SLC25A13: variants seen among roughly 807,000 people sequenced by gnomAD.
The protein encoded by SLC25A13 is solute carrier family 25 member 13.
SLC25A13 carries 70 observed loss-of-function variants against 85.5 expected under a neutral mutation model. The observed-to-expected ratio is 0.82, with a 90% CI of 0.68 to 1.00. The LOEUF (loss-of-function observed/expected upper bound fraction) is 1.00. Ranked by LOEUF, SLC25A13 falls within the 50% of genes least tolerant of loss-of-function variation. The pLI, the probability that SLC25A13 is intolerant of heterozygous loss-of-function variation, is 0.00. For synonymous variants in SLC25A13, 259 were observed against 288.7 expected (o/e 0.90, Z 1.04); for missense variants, 765 against 819.8 (o/e 0.93, Z 0.82).
chr7:96,215,412 C>T (rs1795857312), intron 4 of SLC25A13, among the ~76,000 whole-genome samples: 1 of 152,060 alleles, frequency 6.6e-6, no homozygotes, highest in African/African-American at 2.4e-5. Context: ...GGATTTCAAG[C>T]TTACTACAAA....
At chr7:96,170,979 C>T (rs954083260) in intron 12 of SLC25A13, among the ~76,000 whole-genome samples, 4 of 152,208 alleles carry the variant, frequency 2.6e-5, no homozygotes, top group African/African-American at 9.6e-5. Flanking sequence ...TTATAGAACA[C>T]ACCCTAACCA....
At chr7:96,150,608 G>T (rs988974419) in intron 13 of SLC25A13, among the ~76,000 whole-genome samples, 7 of 152,058 alleles carry the variant, frequency 4.6e-5, no homozygotes, top group African/African-American at 1.7e-4. Context: ...TTTAGGGTGG[G>T]ACGTAATCCC....
At chr7:96,188,879 A>C (rs1794733630) in intron 9 of SLC25A13, among the ~76,000 whole-genome samples, 1 of 152,218 alleles carries the variant, frequency 6.6e-6, no homozygotes, top group Non-Finnish European at 1.5e-5. Flanking sequence ...CATGGCAGTT[A>C]GACGATGCGC....
intron 4 of SLC25A13, among the ~76,000 whole-genome samples, chr7:96,230,401 A>C (rs1346397415): frequency 6.6e-6 from 1 of 152,250 alleles, no homozygotes; most frequent in African/African-American, 2.4e-5. Flanking sequence ...GCAGATCCAG[A>C]TGTAAAAGTT....
chr7:96,196,934 A>C (rs1359127176), intron 5 of SLC25A13, among the ~76,000 whole-genome samples: 1 of 152,246 alleles, frequency 6.6e-6, no homozygotes, highest in Non-Finnish European at 1.5e-5. Flanking sequence ...ATTATGCAGC[A>C]GGCACTGCTG....
chr7:96,134,146 C>A (rs1792160626), intron 14 of SLC25A13, among the ~76,000 whole-genome samples: 1 of 151,420 alleles, frequency 6.6e-6, no homozygotes, highest in Non-Finnish European at 1.5e-5. Context: ...GTTACTTCAG[C>A]CTCCTGGCCT....
At chr7:96,299,500 A>G (rs1329127603) in intron 1 of SLC25A13, among the ~76,000 whole-genome samples, 3 of 152,226 alleles carry the variant, frequency 2.0e-5, no homozygotes, top group African/African-American at 4.8e-5. Flanking sequence ...GAAAGCATCA[A>G]TTATTTCCCC....
chr7:96,167,778 C>T (rs573383879), intron 13 of SLC25A13, among the ~76,000 whole-genome samples: 38 of 152,124 alleles, frequency 2.5e-4, no homozygotes, highest in Admixed American at 2.4e-3. Flanking sequence ...TTTGCCAAAG[C>T]CTGCAAAGAA....
chr7:96,158,103 T>G (rs1253898292), intron 13 of SLC25A13, among the ~76,000 whole-genome samples: 2 of 152,336 alleles, frequency 1.3e-5, no homozygotes, highest in East Asian at 3.9e-4. Flanking sequence ...CCAGTTCATA[T>G]TTCCCCATGA....
intron 1 of SLC25A13, among the ~76,000 whole-genome samples, chr7:96,301,539 T>G (rs1434456081): frequency 6.6e-6 from 1 of 152,122 alleles, no homozygotes; most frequent in Non-Finnish European, 1.5e-5. Context: ...TATGAAATAT[T>G]ATTTGCTAAC....
chr7:96,230,864 T>C (rs1436168962), intron 4 of SLC25A13, among the ~76,000 whole-genome samples: 6 of 152,188 alleles, frequency 3.9e-5, no homozygotes, highest in Admixed American at 3.9e-4. Context: ...ATCCCAACAC[T>C]TTGGGAGGCC....
intron 4 of SLC25A13, among the ~76,000 whole-genome samples, chr7:96,229,835 A>G (rs1796468437): frequency 1.3e-5 from 2 of 152,164 alleles, no homozygotes; most frequent in Non-Finnish European, 2.9e-5. Flanking sequence ...CTCTGGACAC[A>G]CCATCTTTAA....
intron 3 of SLC25A13, among the ~76,000 whole-genome samples, chr7:96,236,444 G>A (rs1224921581): frequency 1.3e-5 from 2 of 152,148 alleles, no homozygotes; most frequent in African/African-American, 2.4e-5. Context: ...GAAATTAAGA[G>A]TTAACTGTAA....
At chr7:96,154,958 C>G (rs897809318) in intron 13 of SLC25A13, among the ~76,000 whole-genome samples, 4 of 152,064 alleles carry the variant, frequency 2.6e-5, no homozygotes, top group African/African-American at 7.2e-5. Flanking sequence ...GCCACCATAC[C>G]TGGCTAGTTT....
chr7:96,130,616 A>G (rs1017182977), intron 15 of SLC25A13, among the ~76,000 whole-genome samples: 5 of 152,182 alleles, frequency 3.3e-5, no homozygotes, highest in Admixed American at 6.5e-5. Flanking sequence ...TTGGTTCAAA[A>G]CATTTTCTCA....
chr7:96,245,228 G>A (rs1254093739), intron 3 of SLC25A13, among the ~76,000 whole-genome samples: 1 of 152,094 alleles, frequency 6.6e-6, no homozygotes, highest in Non-Finnish European at 1.5e-5. Context: ...GTTAATTCAA[G>A]TAACACTAGA....
At chr7:96,207,674 T>C (rs997508345) in intron 5 of SLC25A13, among the ~76,000 whole-genome samples, 3 of 152,168 alleles carry the variant, frequency 2.0e-5, no homozygotes, top group African/African-American at 7.2e-5. Flanking sequence ...GACTACATGA[T>C]AATGTTGTAT....
chr7:96,214,385 T>C (rs957164114), intron 4 of SLC25A13, among the ~76,000 whole-genome samples: 23 of 152,098 alleles, frequency 1.5e-4, no homozygotes, highest in African/African-American at 5.6e-4. Flanking sequence ...TATACAAATA[T>C]CAACTGTATT....
intron 3 of SLC25A13, among the ~76,000 whole-genome samples, chr7:96,270,845 C>T (rs571881607): frequency 2.1e-4 from 32 of 152,150 alleles, no homozygotes; most frequent in African/African-American, 4.8e-4. Flanking sequence ...AAGGCTCTTG[C>T]GGAAAATCCC....
Sources: allele counts gnomAD v4.1 joint callset (sites outside exome capture counted in the v4.1 genomes callset), GRCh38; gene constraint gnomAD v4.1.1; transcripts MANE v1.5; gene names NCBI Gene and HGNC (gene_info 2026-07-23, HGNC 2026-07-21).